STAG3: variants seen among roughly 807,000 people sequenced by gnomAD.
The protein encoded by STAG3 is cohesin subunit SA-3.
Under a neutral mutation model 160.7 loss-of-function variants are expected in STAG3, and 101 were observed. The observed-to-expected ratio is 0.63, with a 90% CI of 0.54 to 0.74. The LOEUF is 0.74. Ranked by LOEUF, STAG3 falls within the 30% of genes least tolerant of loss-of-function variation. STAG3 has a pLI of 0.00. For missense variants in STAG3, 1,188 were observed against 1,517.4 expected (o/e 0.78, Z 3.61); for synonymous variants, 519 against 585.0 (o/e 0.89, Z 1.63).
Position 100,197,887 on chromosome 7 carries a change from T to C in STAG3, c.1164+11T>C. On this transcript the variant is annotated intron_variant, in intron 11 of 33. Coordinates refer to ENST00000615138, the MANE Select transcript of STAG3 (RefSeq NM_001282717.2). The stretch of plus-strand genomic sequence containing the variant: ...ACCAGCCGCTTCAAGGTAAAATGGG[T>C]GGTGCTCCATGGCTTGGCTCTTTGT... 1 of 1,609,766 alleles carries C rather than the reference T, an allele frequency of 6.2e-7. No individual in the cohort carries two copies. Among genetic ancestry groups the C allele is most frequent in the Non-Finnish European group, 8.5e-7 (1 of 1,176,202 alleles).
chr7:100,213,166 C>G (rs1376261590), intron 32 of STAG3: 1 of 301,316 alleles, frequency 3.3e-6, no homozygotes, highest in Non-Finnish European at 5.0e-6. Context: ...GCCCTCTGGC[C>G]TGGGCTTAGA....
chr7:100,219,278 C>A (rs1033331045), downstream of STAG3: 5 of 157,010 alleles, frequency 3.2e-5, no homozygotes, highest in Admixed American at 6.1e-5. Context: ...CTGACACAAT[C>A]TTGGTGCGTT....
In STAG3 at chr7:100,211,476, G is replaced by A. The variant is rs1422437863; in HGVS notation, c.3455G>A (p.Gly1152Asp). The stretch of plus-strand genomic sequence containing the variant: ...GGCACCGAGAGGTCAAGGTTCTTGG[G>A]TCCACAATATTTCCAGACTCCACAC... ...VAGTERSRFL[G>D]PQYFQTPHNP... is the part of the protein sequence containing the mutation. The change falls in exon 31 of 34, where the codon GGT becomes GAT. Residue 1152 changes from glycine to aspartate, a missense_variant. By Grantham distance (94) the Gly-to-Asp change is moderately conservative. This residue lies in a region of STAG3 where 647 missense variants were observed against 717.2 expected (regional missense o/e 0.90). Transcript: ENST00000615138. The A allele has an allele frequency of 2.5e-6, 4 of 1,613,650 alleles. No individual in the cohort carries two copies. The South Asian group carries it at 4.4e-5, about 18-fold the overall frequency.
At chr7:100,215,706 T>C (rs1158426524), downstream of STAG3, among the ~76,000 whole-genome samples, 1 of 152,116 alleles carries the variant, frequency 6.6e-6, no homozygotes, top group Non-Finnish European at 1.5e-5. Context: ...GTGCACTGGG[T>C]TGAGTCACAG....
intron 1 of STAG3, 25 bp from the exon 2 acceptor site, chr7:100,180,468 G>A: frequency 1.3e-6 from 1 of 771,316 alleles, no homozygotes; most frequent in Non-Finnish European, 2.3e-6. Flanking sequence ...TGTGGTAGGA[G>A]CCCTTTCTTC....
intron 8 of STAG3, among the ~76,000 whole-genome samples, chr7:100,192,481 G>A (rs566931566): frequency 1.3e-4 from 20 of 152,216 alleles, no homozygotes; most frequent in African/African-American, 3.6e-4. Flanking sequence ...CCAAGATTGC[G>A]CCACCACACT....
Position 100,214,087 on chromosome 7 carries a change from A to C in STAG3, c.*72A>C. ...TGACCATTTGGAAAAGGCAAAGAGA[A>C]AAGGAGCAAAATGAAGCATTCCCCC... On this transcript the variant is annotated 3_prime_UTR_variant, in exon 34 of 34. Transcript: ENST00000615138. 6.3e-7 allele frequency: 1 copy of C among 1,578,748 alleles called. No individual in the cohort carries two copies. Among genetic ancestry groups the C allele is most frequent in the Non-Finnish European group, 8.7e-7 (1 of 1,151,446 alleles).
intron 8 of STAG3, among the ~76,000 whole-genome samples, chr7:100,193,326 A>G (rs1353490879): frequency 6.6e-6 from 1 of 152,238 alleles, no homozygotes; most frequent in African/African-American, 2.4e-5. Context: ...ACTTAAAGTC[A>G]GCAACTGCAT....
chr7:100,194,827 T>A (rs747969606), intron 8 of STAG3, among the ~76,000 whole-genome samples: 9 of 152,022 alleles, frequency 5.9e-5, no homozygotes, highest in Non-Finnish European at 1.0e-4. Flanking sequence ...AGATTACTGA[T>A]CACAGATAAC....
At position 100,205,374 on chromosome 7, in the gene STAG3, G is replaced by A. The variant is rs780274279; in HGVS notation, c.3228G>A (p.Arg1076=). Residue 1076 remains arginine (R), a synonymous_variant, in exon 29 of 34, where the codon AGG becomes AGA. Transcript: ENST00000615138. ...AGGTCCTCCCCAGCTCCAAGAGGAG[G>A]CGCGTTGAAGGTAGGGTGCTGTGTG... is the stretch of plus-strand genomic sequence containing the variant. ...SPQVLPSSKR[R]RVEGPAKPNR... is the part of the protein sequence containing the mutation. 4 of 1,613,018 alleles carry A rather than the reference G, an allele frequency of 2.5e-6. No individual in the cohort carries two copies. In the African/African-American group the frequency reaches 4.0e-5, roughly 16 times the overall value.
rs1358401767 is a variant in STAG3, at chr7:100,182,085, C to T, written c.117-5C>T. 15 of 1,611,826 alleles carry T rather than the reference C, an allele frequency of 9.3e-6. No homozygotes were observed. The highest frequency in any genetic ancestry group is 1.3e-5 in the Non-Finnish European group (15 of 1,178,274). On this transcript the variant is annotated splice_region_variant and splice_polypyrimidine_tract_variant and intron_variant, in intron 2 of 33. Coordinates refer to ENST00000615138, the MANE Select transcript of STAG3 (RefSeq NM_001282717.2). ...ATATTTAAAGAGAACCATACTTTCT[C>T]ACAGGAATGGCGACTCTTTGTTAGC...
At position 100,182,826 on chromosome 7, in the gene STAG3, A is replaced by G. The variant is rs751228249; in HGVS notation, c.323A>G (p.Lys108Arg). The G allele has an allele frequency of 1.2e-6, 2 of 1,614,026 alleles. No individual in the cohort carries two copies. The highest frequency in any genetic ancestry group is 2.2e-5 in the East Asian group (1 of 44,892). The change falls in exon 4 of 34, where the codon AAA (lysine) becomes AGA (arginine). Residue 108 changes from lysine (K) to arginine (R), a missense_variant. Lys to Arg is a conservative substitution (Grantham distance 26). This residue lies in a region of STAG3 where 296 missense variants were observed against 404.0 expected (regional missense o/e 0.73). Transcript: ENST00000615138. ...NDLFNAVKAA[K>R]SDMQSLVDEW... Reference sequence around the variant, plus strand: ...CTTTTCAATGCTGTGAAAGCCGCCAAAAGTGACATGCAGGTAAAGCAGTGT... The same window carrying G: ...CTTTTCAATGCTGTGAAAGCCGCCAGAAGTGACATGCAGGTAAAGCAGTGT...
At chr7:100,192,635 G>C (rs141428992) in intron 8 of STAG3, among the ~76,000 whole-genome samples, 38 of 152,330 alleles carry the variant, frequency 2.5e-4, no homozygotes, top group African/African-American at 8.9e-4. Context: ...CTGTTGCCTA[G>C]ACCGGAATGT....
intron 5 of STAG3, among the ~76,000 whole-genome samples, chr7:100,187,994 G>A (rs1462497004): frequency 1.3e-5 from 2 of 152,158 alleles, no homozygotes; most frequent in Admixed American, 6.6e-5. Context: ...CTGACCTTGT[G>A]ATTCACCCAC....
intron 2 of STAG3, chr7:100,181,444 A>G (rs754371752): frequency 1.3e-5 from 2 of 152,112 alleles, no homozygotes; most frequent in Non-Finnish European, 2.9e-5. Flanking sequence ...TTAACTCTAG[A>G]TACATATTAC....
At chr7:100,217,426 A>G (rs1373613116), downstream of STAG3, among the ~76,000 whole-genome samples, 1 of 152,238 alleles carries the variant, frequency 6.6e-6, no homozygotes, top group East Asian at 1.9e-4. Context: ...GATGCAGAGC[A>G]GTGCTTTTCA....
In STAG3 at chr7:100,197,747, T is replaced by C. The variant is rs748203570; in HGVS notation, c.1066-31T>C. 1.9e-6 allele frequency: 3 copies of C among 1,573,320 alleles called. No homozygotes were observed. The Admixed American group carries it at 5.0e-5, about 26-fold the overall frequency. On this transcript the variant is annotated intron_variant, in intron 10 of 33. Coordinates refer to ENST00000615138, the MANE Select transcript of STAG3 (RefSeq NM_001282717.2). Reference sequence around the variant, plus strand: ...GCGAGTAGAGTGTGGTTAGTCTTATTTCCATTCTCCTGGTTTTCCCTCCTC... The same window carrying C: ...GCGAGTAGAGTGTGGTTAGTCTTATCTCCATTCTCCTGGTTTTCCCTCCTC...
rs373753199 is a variant in STAG3 at position 100,204,584 on chromosome 7, G to A, written c.2803-43G>A. 2.8e-5 allele frequency: 44 copies of A among 1,598,412 alleles called. No homozygotes were observed. In the African/African-American group the frequency reaches 4.7e-4, roughly 17 times the overall value. ...AATGCTGGACTTCTCTGTTTCCGCC[G>A]TGTTCCTCCCTTTCCCACATGCACC... On this transcript the variant is annotated intron_variant, in intron 26 of 33. Transcript: ENST00000615138.
rs761910439 is a variant in STAG3 at position 100,197,816 on chromosome 7, A to G, written c.1104A>G (p.Lys368=). The G allele has an allele frequency of 1.7e-5, 27 of 1,613,474 alleles. 1 individual carries two copies. In the South Asian group the frequency reaches 2.9e-4, roughly 17 times the overall value. The change falls in exon 11 of 34, where the codon AAA becomes AAG. Residue 368 remains lysine (K), a synonymous_variant. Coordinates refer to ENST00000615138, the MANE Select transcript of STAG3 (RefSeq NM_001282717.2). ...EVRLKCVKAL[K]GLYGNRDLTT... Reference sequence around the variant, plus strand: ...GCCTGAAGTGTGTGAAGGCCCTGAAAGGGCTGTACGGTAACCGGGACCTGA... The same window carrying G: ...GCCTGAAGTGTGTGAAGGCCCTGAAGGGGCTGTACGGTAACCGGGACCTGA...
Sources: allele counts gnomAD v4.1 joint callset (sites outside exome capture counted in the v4.1 genomes callset), GRCh38; gene constraint gnomAD v4.1.1; regional missense constraint gnomAD v4.1.1; transcripts MANE v1.5; gene names NCBI Gene and HGNC (gene_info 2026-07-23, HGNC 2026-07-21).